Variants in MYO3B observed in about 807,000 individuals in gnomAD.
MYO3B encodes myosin-IIIb.
MYO3B carries 156 observed loss-of-function variants against 174.6 expected under a neutral mutation model. The ratio of observed to expected loss-of-function variants is 0.89; its 90% CI spans 0.78 to 1.02. The LOEUF (loss-of-function observed/expected upper bound fraction) is 1.02. Among genes scored for constraint, MYO3B ranks in the 50% least tolerant of loss-of-function variants. The pLI, the probability that MYO3B is intolerant of heterozygous loss-of-function variation, is 0.00. For missense variants in MYO3B, 1,632 were observed against 1,639.4 expected (o/e 1.00, Z 0.08); for synonymous variants, 563 against 569.1 (o/e 0.99, Z 0.15).
chr2:170,293,677 G>T (rs1297730486), intron 7 of MYO3B, among the ~76,000 whole-genome samples: 1 of 152,166 alleles, frequency 6.6e-6, no homozygotes, highest in Non-Finnish European at 1.5e-5. Context: ...GAGACCAAGT[G>T]GCTGGAGGAT....
intron 7 of MYO3B, among the ~76,000 whole-genome samples, chr2:170,329,163 AT>A (rs1558895577): frequency 1.3e-5 from 2 of 151,922 alleles, no homozygotes; most frequent in Non-Finnish European, 2.9e-5. Context: ...AAAAAAAAAA[AT>A]ACTACTACTA....
At chr2:170,437,904 C>T (rs2094767236) in intron 22 of MYO3B, among the ~76,000 whole-genome samples, 1 of 152,158 alleles carries the variant, frequency 6.6e-6, no homozygotes, top group Admixed American at 6.5e-5. Context: ...CAATGATTAG[C>T]AGTGTCCCAG....
At chr2:170,636,401 T>G (rs1291245482) in intron 32 of MYO3B, among the ~76,000 whole-genome samples, 1 of 87,830 alleles carries the variant, frequency 1.1e-5, no homozygotes, top group Non-Finnish European at 2.1e-5. Context: ...CATGAATTTC[T>G]TTTTTTTTTT....
chr2:170,242,039 A>G (rs1263214827), intron 7 of MYO3B, among the ~76,000 whole-genome samples: 1 of 152,194 alleles, frequency 6.6e-6, no homozygotes, highest in African/African-American at 2.4e-5. Flanking sequence ...AATTAAAACT[A>G]AACTATTGTT....
chr2:170,516,684 C>T (rs34866680), intron 29 of MYO3B, among the ~76,000 whole-genome samples: 1,781 of 151,778 alleles, frequency 0.012, 37 homozygotes, highest in African/African-American at 0.04. Context: ...TAGAGCTCAA[C>T]CAGATTTTGG....
At chr2:170,594,307 A>G (rs1318041838) in intron 32 of MYO3B, among the ~76,000 whole-genome samples, 1 of 152,120 alleles carries the variant, frequency 6.6e-6, no homozygotes, top group East Asian at 1.9e-4. Context: ...GAAGTTAAAA[A>G]AAAGTATCGT....
intron 32 of MYO3B, among the ~76,000 whole-genome samples, chr2:170,627,002 T>C (rs1303634428): frequency 2.0e-5 from 3 of 152,074 alleles, no homozygotes; most frequent in African/African-American, 7.2e-5. Flanking sequence ...ATTTCAACTT[T>C]GGTGTATCTG....
chr2:170,329,871 T>C (rs1305445019), intron 7 of MYO3B, among the ~76,000 whole-genome samples: 1 of 152,218 alleles, frequency 6.6e-6, no homozygotes, highest in Non-Finnish European at 1.5e-5. Flanking sequence ...ACTTTATTAA[T>C]GGGATTTACC....
At chr2:170,380,105 A>G (rs1306662974) in intron 9 of MYO3B, among the ~76,000 whole-genome samples, 1 of 152,242 alleles carries the variant, frequency 6.6e-6, no homozygotes, top group Non-Finnish European at 1.5e-5. Flanking sequence ...ACCAGCTTCT[A>G]GGATCTAGCT....
chr2:170,573,860 C>T (rs1408395112), intron 32 of MYO3B, among the ~76,000 whole-genome samples: 3 of 152,168 alleles, frequency 2.0e-5, no homozygotes, highest in African/African-American at 7.2e-5. Flanking sequence ...TAGTCATTCT[C>T]AAGTTAATTA....
chr2:170,421,175 C>T (rs533495544), intron 22 of MYO3B, among the ~76,000 whole-genome samples: 10 of 152,214 alleles, frequency 6.6e-5, no homozygotes, highest in African/African-American at 2.2e-4. Context: ...AAATGTGGGT[C>T]ATCCTGTGAT....
At chr2:170,236,996 G>A (rs2093077608) in intron 7 of MYO3B, among the ~76,000 whole-genome samples, 2 of 152,294 alleles carry the variant, frequency 1.3e-5, no homozygotes, top group South Asian at 4.2e-4. Context: ...CTATTTATAT[G>A]CAGATGAGGC....
At chr2:170,604,421 A>C (rs192614730) in intron 32 of MYO3B, among the ~76,000 whole-genome samples, 123 of 152,272 alleles carry the variant, frequency 8.1e-4, no homozygotes, top group South Asian at 2.7e-3. Context: ...TGTGCTATTT[A>C]ACTTTTTTTC....
At chr2:170,275,558 C>T (rs959550462) in intron 7 of MYO3B, among the ~76,000 whole-genome samples, 5 of 151,946 alleles carry the variant, frequency 3.3e-5, no homozygotes, top group Non-Finnish European at 5.9e-5. Flanking sequence ...ACTTTTTATT[C>T]GTAGTTATGC....
At chr2:170,402,078 A>G (rs1056919831) in intron 18 of MYO3B, among the ~76,000 whole-genome samples, 1 of 152,242 alleles carries the variant, frequency 6.6e-6, no homozygotes, top group African/African-American at 2.4e-5. Flanking sequence ...TTGAGAGAAT[A>G]GTCTTGGCTG....
chr2:170,463,260 C>A (rs1019783278), intron 23 of MYO3B, 108 bp from the exon 24 acceptor site: 81 of 807,466 alleles, frequency 1.0e-4, no homozygotes, highest in Middle Eastern at 3.6e-4. Context: ...TCCTAAATAC[C>A]ATGGCCCCTC....
chr2:170,626,439 G>GT (rs1228848680), intron 32 of MYO3B, among the ~76,000 whole-genome samples: 1 of 152,148 alleles, frequency 6.6e-6, no homozygotes, highest in Non-Finnish European at 1.5e-5. Context: ...TTGAGCCTAT[G>GT]TGTGTCTCTG....
chr2:170,357,770 C>T (rs1455230599), intron 8 of MYO3B, among the ~76,000 whole-genome samples: 1 of 152,164 alleles, frequency 6.6e-6, no homozygotes, highest in Admixed American at 6.5e-5. Flanking sequence ...GTTACCATAA[C>T]CAGCAATCCA....
intron 28 of MYO3B, among the ~76,000 whole-genome samples, chr2:170,507,932 A>C (rs1175049743): frequency 6.6e-6 from 1 of 152,200 alleles, no homozygotes; most frequent in Admixed American, 6.5e-5. Context: ...CTTGGAATGC[A>C]CAGGAATCTC....
Sources: gnomAD v4.1 joint callset for allele counts (sites outside exome capture counted in the v4.1 genomes callset) on GRCh38, gnomAD v4.1.1 for gene constraint, MANE v1.5 for transcripts, NCBI Gene and HGNC (gene_info 2026-07-23, HGNC 2026-07-21) for gene names.